Variants in FHIT observed in about 807,000 individuals in gnomAD.
The protein encoded by FHIT is bis(5'-adenosyl)-triphosphatase.
In FHIT, 19 loss-of-function variants were observed where a neutral mutation model predicts 17.9. That is an observed-to-expected ratio of 1.06 (90% CI 0.74 to 1.56). The LOEUF (loss-of-function observed/expected upper bound fraction) is 1.56, where lower values mean the gene tolerates loss of function less well. Among genes scored for constraint, FHIT ranks in the 40% most tolerant of loss-of-function variants. The pLI is 0.00. For synonymous variants in FHIT, 81 were observed against 69.7 expected (o/e 1.16, Z -0.81); for missense variants, 248 against 189.2 (o/e 1.31, Z -1.82).
intron 1 of FHIT, among the ~76,000 whole-genome samples, chr3:61,211,236 T>G (rs11130828): frequency 0.58 from 87,669 of 151,470 alleles, 29,021 homozygotes; most frequent in African/African-American, 0.88. Context: ...GGGTCAGAGA[T>G]CTCCCTTTCC....
intron 8 of FHIT, among the ~76,000 whole-genome samples, chr3:59,874,644 T>C (rs1209769687): frequency 2.6e-5 from 4 of 151,534 alleles, no homozygotes; most frequent in African/African-American, 9.7e-5. Context: ...TCAGGAGACT[T>C]CATCCGGCTG....
intron 5 of FHIT, among the ~76,000 whole-genome samples, chr3:60,443,781 G>C (rs1305784512): frequency 6.6e-6 from 1 of 152,020 alleles, no homozygotes; most frequent in East Asian, 1.9e-4. Context: ...GATGATGCCG[G>C]CCTCATACTT....
chr3:60,531,801 A>G (rs2035796981), intron 5 of FHIT, among the ~76,000 whole-genome samples: 1 of 152,232 alleles, frequency 6.6e-6, no homozygotes, highest in Admixed American at 6.5e-5. Context: ...GGAACACTCA[A>G]CATGGTAACG....
intron 4 of FHIT, among the ~76,000 whole-genome samples, chr3:60,614,054 G>C (rs1461177636): frequency 6.6e-6 from 1 of 152,048 alleles, no homozygotes; most frequent in Non-Finnish European, 1.5e-5. Context: ...GGTGGAGAAA[G>C]AGAAATACAA....
At chr3:59,750,672 C>CAACA in intron 9 of FHIT, 1 of 219,574 alleles carries the variant, frequency 4.6e-6, no homozygotes, top group Non-Finnish European at 9.1e-6. Context: ...GATCTGAGTA[C>CAACA]AACACCATAT....
chr3:60,744,269 A>AAAAAAAAAAAAAAAAAAAAAAC (rs2042306809), intron 4 of FHIT, among the ~76,000 whole-genome samples: 5 of 16,064 alleles, frequency 3.1e-4, no homozygotes, highest in South Asian at 1.7e-3. Context: ...AAAACAAAAC[A>AAAAAAAAAAAAAAAAAAAAAAC]AAAAAAAAAA....
At chr3:60,385,405 G>C (rs2107130636) in intron 5 of FHIT, among the ~76,000 whole-genome samples, 1 of 152,244 alleles carries the variant, frequency 6.6e-6, no homozygotes, top group East Asian at 1.9e-4. Flanking sequence ...ATCAAAAGCA[G>C]CCTTTGTGAA....
intron 5 of FHIT, among the ~76,000 whole-genome samples, chr3:60,398,227 G>C (rs548741564): frequency 3.9e-5 from 6 of 152,232 alleles, no homozygotes; most frequent in African/African-American, 1.4e-4. Context: ...GTAGCTATGA[G>C]GAATGGGAAG....
intron 3 of FHIT, among the ~76,000 whole-genome samples, chr3:60,912,086 T>G (rs1343539224): frequency 6.6e-6 from 1 of 151,916 alleles, no homozygotes; most frequent in African/African-American, 2.4e-5. Flanking sequence ...CACACACATA[T>G]TTCAGGTACC....
chr3:60,683,549 T>C (rs1357753341), intron 4 of FHIT, among the ~76,000 whole-genome samples: 1 of 152,184 alleles, frequency 6.6e-6, no homozygotes, highest in Non-Finnish European at 1.5e-5. Flanking sequence ...ATAATGCTAT[T>C]GCATACTAGA....
chr3:60,203,067 T>A (rs952003468), intron 5 of FHIT, among the ~76,000 whole-genome samples: 2 of 151,998 alleles, frequency 1.3e-5, no homozygotes, highest in Non-Finnish European at 2.9e-5. Context: ...ATTGGTAAAA[T>A]CTGACTAAAC....
chr3:60,477,733 AC>A (rs1480924990), intron 5 of FHIT, among the ~76,000 whole-genome samples: 2 of 152,210 alleles, frequency 1.3e-5, no homozygotes, highest in East Asian at 3.9e-4. Context: ...TAGAACACAA[AC>A]TTGCATTTGT....
Position 60,206,159 on chromosome 3 carries a change from A to ATTATT in FHIT, c.104-192008_104-192007insAATAA, listed in dbSNP as rs1559727101. Among the ~76,000 whole-genome samples, 710 of 138,422 alleles carry ATTATT rather than the reference A, an allele frequency of 5.1e-3. 8 individuals are homozygous for ATTATT. Among genetic ancestry groups the ATTATT allele is most frequent in the African/African-American group, 0.018 (649 of 35,276 alleles). 90.8% of individuals were successfully genotyped at this position (138,422 alleles called of 152,430 possible). A position where few individuals can be genotyped will look rare whatever the true frequency, so the allele number is the denominator to read the frequency against. On this transcript the variant is annotated intron_variant, in intron 5 of 9. Coordinates refer to ENST00000492590, the MANE Select transcript of FHIT (RefSeq NM_002012.4). Reference sequence around the variant, plus strand: ...AAAAAAAAAAAAAATAAATAATAATAATAATAATAATAATTATAACACTTA... The same window carrying ATTATT: ...AAAAAAAAAAAAAATAAATAATAATATTATTATAATAATAATAATTATAACACTTA...
intron 7 of FHIT, among the ~76,000 whole-genome samples, chr3:60,000,749 T>C (rs898914210): frequency 2.0e-5 from 3 of 152,034 alleles, no homozygotes; most frequent in Admixed American, 1.3e-4. Context: ...TGCCCTGAAA[T>C]ACACTCTGAG....
At chr3:59,943,206 G>C (rs533001095) in intron 7 of FHIT, among the ~76,000 whole-genome samples, 70 of 152,290 alleles carry the variant, frequency 4.6e-4, no homozygotes, top group African/African-American at 1.6e-3. Flanking sequence ...GAATCAGGAA[G>C]CTGATCAGGA....
In FHIT at chr3:60,498,323, C is replaced by T. The variant is rs144888587; in HGVS notation, c.103+38537G>A. The stretch of plus-strand genomic sequence containing the variant: ...CAATTCAATAAATGATGAAAATGTT[C>T]ATTTGTTACATTTATAGCATACTAA... On this transcript the variant is annotated intron_variant, in intron 5 of 9. Transcript: ENST00000492590. Among the ~76,000 whole-genome samples the T allele has an allele frequency of 6.9e-3, 1,049 of 152,158 alleles. 5 individuals are homozygous for T. Among genetic ancestry groups the T allele is most frequent in the Non-Finnish European group, 0.01 (708 of 67,998 alleles).
At chr3:60,506,231 A>G (rs2034723018) in intron 5 of FHIT, among the ~76,000 whole-genome samples, 1 of 152,154 alleles carries the variant, frequency 6.6e-6, no homozygotes, top group Non-Finnish European at 1.5e-5. Context: ...CACATGGTTG[A>G]TGTCTATTTT....
intron 5 of FHIT, among the ~76,000 whole-genome samples, chr3:60,388,348 C>T (rs937122051): frequency 6.6e-6 from 1 of 152,154 alleles, no homozygotes; most frequent in African/African-American, 2.4e-5. Context: ...GCCCATAATC[C>T]CAGCACTTTG....
chr3:60,034,231 C>A (rs996473271), intron 5 of FHIT, among the ~76,000 whole-genome samples: 1 of 152,188 alleles, frequency 6.6e-6, no homozygotes, highest in Non-Finnish European at 1.5e-5. Flanking sequence ...TTTAACATCC[C>A]TGATAACCCT....
Sources: gnomAD v4.1 joint callset for allele counts (sites outside exome capture counted in the v4.1 genomes callset) on GRCh38, gnomAD v4.1.1 for gene constraint, MANE v1.5 for transcripts, NCBI Gene and HGNC (gene_info 2026-07-23, HGNC 2026-07-21) for gene names.